COMMD1: variants seen among roughly 807,000 people sequenced by gnomAD.
COMMD1 encodes COMM domain-containing protein 1.
COMMD1 carries 10 observed loss-of-function variants against 17.2 expected under a neutral mutation model. The ratio of observed to expected loss-of-function variants is 0.58; its 90% CI spans 0.36 to 0.99. The LOEUF is 0.99. Ranked by LOEUF, COMMD1 falls within the 50% of genes least tolerant of loss-of-function variation. COMMD1 has a pLI of 0.01. For synonymous variants in COMMD1, 97 were observed against 91.6 expected, an observed-to-expected ratio of 1.06 and a Z score of -0.34; for missense variants, 270 against 231.8, an observed-to-expected ratio of 1.17 and a Z score of -1.07.
At chr2:61,893,948 C>T (rs1669498020) in intron 1 of COMMD1, among the ~76,000 whole-genome samples, 1 of 152,158 alleles carries the variant, frequency 6.6e-6, no homozygotes, top group Admixed American at 6.6e-5. Context: ...CCTGTAGTCC[C>T]ACTACTCACG....
At chr2:62,101,002 T>C (rs1285628671) in intron 2 of COMMD1, among the ~76,000 whole-genome samples, 1 of 151,742 alleles carries the variant, frequency 6.6e-6, no homozygotes, top group Non-Finnish European at 1.5e-5. Flanking sequence ...AAGTAAGTCA[T>C]GACATATAGG....
chr2:61,986,564 CTTTTTTTTTT>C (rs70946773), intron 1 of COMMD1, among the ~76,000 whole-genome samples: 6 of 94,570 alleles, frequency 6.3e-5, no homozygotes, highest in African/African-American at 1.2e-4. Flanking sequence ...AGGCATCATT[CTTTTTTTTTT>C]TTTTTTTTTT....
At chr2:61,915,038 C>G (rs1670014450) in intron 1 of COMMD1, among the ~76,000 whole-genome samples, 2 of 140,576 alleles carry the variant, frequency 1.4e-5, no homozygotes, top group African/African-American at 5.3e-5. Context: ...GACTTTTGCT[C>G]TTGTTGCCTA....
intron 2 of COMMD1, among the ~76,000 whole-genome samples, chr2:62,082,494 C>T (rs935738617): frequency 5.3e-5 from 8 of 152,160 alleles, no homozygotes; most frequent in Non-Finnish European, 1.2e-4. Flanking sequence ...CTAGCTCTCC[C>T]AGCGACGTTG....
At chr2:61,906,391 A>C (rs754281059) in intron 1 of COMMD1, among the ~76,000 whole-genome samples, 5 of 152,270 alleles carry the variant, frequency 3.3e-5, no homozygotes, top group Admixed American at 6.5e-5. Context: ...GGTGAAATTA[A>C]TATTTTAGTA....
intron 2 of COMMD1, among the ~76,000 whole-genome samples, chr2:62,105,100 G>A (rs922729460): frequency 2.7e-5 from 4 of 150,422 alleles, no homozygotes; most frequent in African/African-American, 4.9e-5. Context: ...ACTCCAGCCT[G>A]GGCAACAAGA....
intron 2 of COMMD1, among the ~76,000 whole-genome samples, chr2:62,101,529 G>C (rs150448459): frequency 1.3e-5 from 2 of 152,244 alleles, no homozygotes; most frequent in East Asian, 3.9e-4. Context: ...AGAATCACTT[G>C]AGCTCAGAAT....
chr2:61,931,502 C>T (rs1328621960), intron 1 of COMMD1, among the ~76,000 whole-genome samples: 1 of 152,200 alleles, frequency 6.6e-6, no homozygotes, highest in Non-Finnish European at 1.5e-5. Context: ...CCTCAAAGTT[C>T]TCATGGGCAG....
chr2:62,115,554 G>A (rs910904269), intron 2 of COMMD1, among the ~76,000 whole-genome samples: 2 of 152,078 alleles, frequency 1.3e-5, no homozygotes. Context: ...TTTGATTCTG[G>A]GAAAAAGTCT....
In COMMD1 at chr2:62,036,714, C is replaced by T. The variant is rs1228342119; in HGVS notation, c.462+35732C>T. Among the ~76,000 whole-genome samples the T allele has an allele frequency of 3.3e-5, 5 of 152,146 alleles. No homozygotes were observed. The East Asian group carries it at 9.6e-4, about 29-fold the overall frequency. Reference sequence around the variant, plus strand: ...GTGATGCTTTGTAGACATAGCCTGTCATTGGTGGTTGTATACATAGACCAT... The same window carrying T: ...GTGATGCTTTGTAGACATAGCCTGTTATTGGTGGTTGTATACATAGACCAT... On this transcript the variant is annotated intron_variant, in intron 2 of 2. Transcript: ENST00000311832.
chr2:62,048,850 G>C (rs1166154435), intron 2 of COMMD1, among the ~76,000 whole-genome samples: 8 of 152,120 alleles, frequency 5.3e-5, no homozygotes, highest in Non-Finnish European at 1.2e-4. Context: ...TAAGCAAAGA[G>C]AGAGCAACCT....
chr2:61,937,487 G>C (rs1312977699), intron 1 of COMMD1, among the ~76,000 whole-genome samples: 3 of 152,190 alleles, frequency 2.0e-5, no homozygotes, highest in Non-Finnish European at 4.4e-5. Flanking sequence ...AAGGGACTTA[G>C]AGTAAACAAG....
chr2:61,932,070 C>G (rs1670479333), intron 1 of COMMD1, among the ~76,000 whole-genome samples: 1 of 152,216 alleles, frequency 6.6e-6, no homozygotes, highest in Non-Finnish European at 1.5e-5. Flanking sequence ...TCTCAGCTCA[C>G]TGCAGCCTCG....
Position 62,002,322 on chromosome 2 carries a change from C to T in COMMD1, c.462+1340C>T, listed in dbSNP as rs145910288. On this transcript the variant is annotated intron_variant, in intron 2 of 2. Transcript: ENST00000311832. ...CCTGGCCAACATGGTGAAACCTTGT[C>T]TCTACTAAAAACACAAAAATTAGTC... Among the ~76,000 whole-genome samples the T allele has an allele frequency of 5.5e-3, 823 of 150,296 alleles. 10 individuals are homozygous for T. Among genetic ancestry groups the T allele is most frequent in the African/African-American group, 0.019 (782 of 40,830 alleles).
At chr2:62,092,559 T>G (rs1464272561) in intron 2 of COMMD1, among the ~76,000 whole-genome samples, 1 of 152,196 alleles carries the variant, frequency 6.6e-6, no homozygotes, top group Non-Finnish European at 1.5e-5. Context: ...TGAAAGCCCC[T>G]GATAAGGTCC....
intron 2 of COMMD1, among the ~76,000 whole-genome samples, chr2:62,034,712 G>A (rs1351701803): frequency 6.6e-6 from 1 of 152,116 alleles, no homozygotes; most frequent in Non-Finnish European, 1.5e-5. Flanking sequence ...CAGTCACTAT[G>A]TGTATGGATG....
chr2:61,941,885 C>T (rs1363260397), intron 1 of COMMD1, among the ~76,000 whole-genome samples: 5 of 152,104 alleles, frequency 3.3e-5, no homozygotes, highest in African/African-American at 1.2e-4. Context: ...ACATTATATC[C>T]TCTGATTTTA....
intron 2 of COMMD1, among the ~76,000 whole-genome samples, chr2:62,086,139 A>G (rs1490013071): frequency 2.6e-5 from 4 of 151,780 alleles, no homozygotes; most frequent in Non-Finnish European, 5.9e-5. Context: ...CCATGATCAC[A>G]CTGCTGCACT....
chr2:61,972,448 G>A (rs761287307), intron 1 of COMMD1, among the ~76,000 whole-genome samples: 1 of 152,274 alleles, frequency 6.6e-6, no homozygotes, highest in South Asian at 2.1e-4. Context: ...TTATGGGTGA[G>A]TTGTGTGTAA....
Sources: gnomAD v4.1 joint callset for allele counts (sites outside exome capture counted in the v4.1 genomes callset) on GRCh38, gnomAD v4.1.1 for gene constraint, MANE v1.5 for transcripts, NCBI Gene and HGNC (gene_info 2026-07-23, HGNC 2026-07-21) for gene names.